SMYD2: variants seen among roughly 807,000 people sequenced by gnomAD.
SMYD2 encodes the protein N-lysine methyltransferase SMYD2.
Under a neutral mutation model 59.1 loss-of-function variants are expected in SMYD2, and 53 were observed. The observed-to-expected ratio is 0.90, with a 90% CI of 0.72 to 1.13. The LOEUF (loss-of-function observed/expected upper bound fraction) is 1.13. Ranked by LOEUF, SMYD2 falls within the 50% of genes most tolerant of loss-of-function variation. The pLI is 0.00. For missense variants in SMYD2, 494 were observed against 544.7 expected (o/e 0.91, Z 0.93); for synonymous variants, 208 against 198.8 (o/e 1.05, Z -0.39).
intron 6 of SMYD2, among the ~76,000 whole-genome samples, chr1:214,325,828 A>G (rs1365561476): frequency 6.6e-6 from 1 of 150,584 alleles, no homozygotes; most frequent in East Asian, 1.9e-4. Context: ...GCAGGAGAAA[A>G]AGAGGGCATT....
chr1:214,289,314 A>AAG, intron 1 of SMYD2, among the ~76,000 whole-genome samples: 1 of 152,262 alleles, frequency 6.6e-6, no homozygotes, highest in Non-Finnish European at 1.5e-5. Context: ...TTAGGTTAAT[A>AAG]TTCCCTCCTC....
At chr1:214,322,118 G>A (rs1318068863) in intron 5 of SMYD2, among the ~76,000 whole-genome samples, 1 of 152,216 alleles carries the variant, frequency 6.6e-6, no homozygotes, top group African/African-American at 2.4e-5. Context: ...GTAGTCAGAA[G>A]CTGTCTGTCC....
intron 2 of SMYD2, among the ~76,000 whole-genome samples, chr1:214,306,642 C>T (rs899086398): frequency 2.6e-4 from 40 of 152,186 alleles, no homozygotes; most frequent in Non-Finnish European, 5.4e-4. Context: ...AGTAGTGCAA[C>T]GGCATTGTAG....
At chr1:214,291,038 G>A (rs1285184204) in intron 1 of SMYD2, among the ~76,000 whole-genome samples, 2 of 152,130 alleles carry the variant, frequency 1.3e-5, no homozygotes, top group African/African-American at 4.8e-5. Context: ...TCACCAATAA[G>A]ACACATTTAA....
chr1:214,318,742 T>G lies in SMYD2; in HGVS notation c.410-117T>G. ...GTTCTCTGGGGGTTCAACATGTTAG[T>G]TTTGGGTTTTTTTTTTTTCGCCCGT... On this transcript the variant is annotated intron_variant, in intron 4 of 11. Transcript: ENST00000366957. The surrounding 1 kb of genome is among the most constrained non-coding windows in gnomAD (Gnocchi z 5.4). 2.4e-6 allele frequency: 3 copies of G among 1,233,412 alleles called. No individual in the cohort carries two copies. The highest frequency in any genetic ancestry group is 2.2e-6 in the Non-Finnish European group (2 of 905,100). 76.4% of individuals were successfully genotyped at this position (1,233,412 alleles called of 1,614,324 possible).
At chr1:214,327,516 G>T (rs1335851851) in intron 6 of SMYD2, 106 bp from the exon 7 acceptor site, 2 of 895,828 alleles carry the variant, frequency 2.2e-6, no homozygotes, top group Non-Finnish European at 3.6e-6. Flanking sequence ...TTTAAAAAAT[G>T]TCTTGCAAAG....
At chr1:214,329,479 C>T (rs1350803149) in intron 7 of SMYD2, among the ~76,000 whole-genome samples, 3 of 152,216 alleles carry the variant, frequency 2.0e-5, no homozygotes, top group Non-Finnish European at 4.4e-5. Flanking sequence ...TGCTCCAAGC[C>T]TTAGTTACAG....
intron 2 of SMYD2, among the ~76,000 whole-genome samples, chr1:214,311,644 AT>A (rs1381540812): frequency 1.3e-5 from 2 of 152,206 alleles, no homozygotes; most frequent in East Asian, 3.8e-4. Context: ...GGACATTTAT[AT>A]CAATAAATGT....
chr1:214,335,494 C>T (rs893313548), intron 11 of SMYD2, among the ~76,000 whole-genome samples: 14 of 152,204 alleles, frequency 9.2e-5, no homozygotes, highest in African/African-American at 2.9e-4. Flanking sequence ...GGCCTGCCTC[C>T]TCTTGGCTTG....
intron 9 of SMYD2, chr1:214,331,403 T>C: frequency 7.9e-6 from 2 of 254,704 alleles, no homozygotes; most frequent in Admixed American, 4.7e-5. Flanking sequence ...ATTTCAGCTC[T>C]CCTCACTGGC....
chr1:214,285,374 A>G (rs1275718192), intron 1 of SMYD2, among the ~76,000 whole-genome samples: 1 of 152,232 alleles, frequency 6.6e-6, no homozygotes, highest in Non-Finnish European at 1.5e-5. Flanking sequence ...GAAGCTGTGC[A>G]TGAGAAGGGG....
chr1:214,292,251 G>A (rs968944955), intron 1 of SMYD2, among the ~76,000 whole-genome samples: 5 of 152,146 alleles, frequency 3.3e-5, no homozygotes, highest in Non-Finnish European at 7.3e-5. Context: ...AGTCTAGCTT[G>A]CTCTGCTGTG....
intron 2 of SMYD2, among the ~76,000 whole-genome samples, chr1:214,307,528 A>G (rs924471560): frequency 6.6e-6 from 1 of 152,232 alleles, no homozygotes; most frequent in Admixed American, 6.5e-5. Flanking sequence ...AATAAGGCTT[A>G]TTACAAAATG....
chr1:214,285,632 A>G (rs1656525836), intron 1 of SMYD2, among the ~76,000 whole-genome samples: 1 of 152,244 alleles, frequency 6.6e-6, no homozygotes, highest in Non-Finnish European at 1.5e-5. Context: ...AAATTCAGCT[A>G]TCTGTATGTT....
intron 11 of SMYD2, among the ~76,000 whole-genome samples, chr1:214,335,422 T>C (rs977834761): frequency 5.9e-5 from 9 of 152,218 alleles, no homozygotes; most frequent in South Asian, 2.1e-4. Flanking sequence ...AGTCTTGAAA[T>C]GAATGCCTGG....
At position 214,318,668 on chromosome 1, in the gene SMYD2, G is replaced by C. The variant is rs1161413172; in HGVS notation, c.410-191G>C. ...GAGGGAGAGAAGGAAGAAATGGCTT[G>C]CTTTCTTTCCTTAGGGTTTGTCAGT... On this transcript the variant is annotated intron_variant, in intron 4 of 11. Transcript: ENST00000366957. The surrounding 1 kb of genome is among the most constrained non-coding windows in gnomAD (Gnocchi z 5.4). 6.6e-6 allele frequency among the ~76,000 whole-genome samples: 1 copy of C among 152,038 alleles called. No homozygotes were observed. Among genetic ancestry groups the C allele is most frequent in the African/African-American group, 2.4e-5 (1 of 41,404 alleles).
intron 5 of SMYD2, 128 bp downstream of exon 5, chr1:214,319,111 G>A: frequency 7.9e-7 from 1 of 1,267,942 alleles, no homozygotes; most frequent in Non-Finnish European, 1.1e-6. Flanking sequence ...GAAGCTCTGA[G>A]CCAATTGGAC....
Position 214,336,822 on chromosome 1 carries a change from T to C in SMYD2, c.*38T>C, listed in dbSNP as rs1489365690. 1 of 1,547,508 alleles carries C rather than the reference T, an allele frequency of 6.5e-7. No individual in the cohort carries two copies. Among genetic ancestry groups the C allele is most frequent in the Non-Finnish European group, 8.9e-7 (1 of 1,126,336 alleles). ...TTTCAGTTTTCATTTAAACACTTAG[T>C]TCAGAAACCTTAAAGGATTTGAATA... On this transcript the variant is annotated 3_prime_UTR_variant, in exon 12 of 12. Coordinates refer to ENST00000366957, the MANE Select transcript of SMYD2 (RefSeq NM_020197.3).
intron 1 of SMYD2, among the ~76,000 whole-genome samples, chr1:214,294,260 A>G (rs908624890): frequency 9.2e-5 from 14 of 152,368 alleles, no homozygotes; most frequent in African/African-American, 3.4e-4. Context: ...ATTCGGGGTA[A>G]TTCGCCTAAA....
Sources: gnomAD v4.1 joint callset for allele counts (sites outside exome capture counted in the v4.1 genomes callset) on GRCh38, gnomAD v4.1.1 for gene constraint, Gnocchi (gnomAD v3.1) non-coding constraint, MANE v1.5 for transcripts, NCBI Gene and HGNC (gene_info 2026-07-23, HGNC 2026-07-21) for gene names.